Variants in STK17A observed in about 807,000 individuals in gnomAD.
The protein encoded by STK17A is serine/threonine-protein kinase 17A.
Under a neutral mutation model 43.7 loss-of-function variants are expected in STK17A, and 26 were observed. The observed-to-expected ratio is 0.60, with a 90% CI of 0.44 to 0.83. The LOEUF (loss-of-function observed/expected upper bound fraction) is 0.83. STK17A is among the 40% of genes least tolerant of loss of function. STK17A has a pLI of 0.00. For missense variants in STK17A, 476 were observed against 511.6 expected (o/e 0.93, Z 0.67); for synonymous variants, 191 against 182.5 (o/e 1.05, Z -0.38).
intron 1 of STK17A, among the ~76,000 whole-genome samples, chr7:43,584,375 C>T (rs1471631513): frequency 6.6e-6 from 1 of 152,214 alleles, no homozygotes; most frequent in Non-Finnish European, 1.5e-5. Context: ...GCCTCACTTT[C>T]CTCATCCGTA....
intron 4 of STK17A, chr7:43,623,114 G>A (rs1401713183): frequency 6.5e-6 from 1 of 153,524 alleles, no homozygotes; most frequent in Non-Finnish European, 1.4e-5. Context: ...GTTTTAAAAA[G>A]CTCACTCTGA....
intron 4 of STK17A, among the ~76,000 whole-genome samples, chr7:43,620,376 T>A (rs2083755340): frequency 1.3e-5 from 2 of 152,140 alleles, no homozygotes; most frequent in African/African-American, 2.4e-5. Flanking sequence ...GACCAGAGAT[T>A]AGATTATTAA....
At chr7:43,620,105 C>A (rs79659153) in intron 4 of STK17A, among the ~76,000 whole-genome samples, 3,437 of 152,226 alleles carry the variant, frequency 0.023, 112 homozygotes, top group African/African-American at 0.076. Context: ...GTCTGAGGCT[C>A]CATAGAAGTG....
At chr7:43,600,317 G>A (rs1479921903) in intron 2 of STK17A, among the ~76,000 whole-genome samples, 3 of 152,102 alleles carry the variant, frequency 2.0e-5, no homozygotes, top group Non-Finnish European at 4.4e-5. Flanking sequence ...CAGTTTTCAG[G>A]ATTTCAACAG....
chr7:43,623,430 T>C, intron 4 of STK17A, 142 bp from the exon 5 acceptor site: 1 of 666,378 alleles, frequency 1.5e-6, no homozygotes, highest in Non-Finnish European at 2.6e-6. Flanking sequence ...TATTAATTCA[T>C]ATTAATTTAT....
At chr7:43,599,738 T>C (rs761863697) in intron 2 of STK17A, among the ~76,000 whole-genome samples, 1 of 152,208 alleles carries the variant, frequency 6.6e-6, no homozygotes, top group Non-Finnish European at 1.5e-5. Flanking sequence ...GCCTGCAAGC[T>C]GGACACCCTG....
intron 1 of STK17A, among the ~76,000 whole-genome samples, chr7:43,585,175 T>G (rs577247316): frequency 1.3e-5 from 2 of 151,924 alleles, no homozygotes; most frequent in South Asian, 2.1e-4. Context: ...CCAGCTTGGG[T>G]GACAGAGTGA....
intron 2 of STK17A, among the ~76,000 whole-genome samples, chr7:43,597,766 C>T (rs920178289): frequency 6.6e-6 from 1 of 151,948 alleles, no homozygotes; most frequent in African/African-American, 2.4e-5. Context: ...AACCCTGTCT[C>T]TACAAAAAAT....
chr7:43,583,369 G>A lies in STK17A; in HGVS notation c.126G>A (p.Leu42=). 6.9e-7 allele frequency: 1 copy of A among 1,447,890 alleles called. No homozygotes were observed. The highest frequency in any genetic ancestry group is 1.5e-5 in the African/African-American group (1 of 67,348). The allele number at this position is 1,447,890 out of a possible 1,614,324, so 89.7% of individuals were successfully genotyped here. The stretch of plus-strand genomic sequence containing the variant: ...CGCCGCCGCCCCAGGCCCGCGGGCT[G>A]CTGACAGAGATACGCGCCGTGGTGC... The part of the protein sequence containing the change: ...RPPPPPQARG[L]LTEIRAVVRT... The change falls in exon 1 of 7, where the codon CTG becomes CTA. Residue 42 remains leucine (L), a synonymous_variant. Coordinates refer to ENST00000319357, the MANE Select transcript of STK17A (RefSeq NM_004760.3).
intron 2 of STK17A, among the ~76,000 whole-genome samples, chr7:43,602,683 C>CA (rs2082563635): frequency 6.6e-6 from 1 of 152,210 alleles, no homozygotes; most frequent in Non-Finnish European, 1.5e-5. Flanking sequence ...GTGTTCCCCC[C>CA]AGTTCCATCA....
chr7:43,592,899 A>G (rs1030362029), intron 1 of STK17A, among the ~76,000 whole-genome samples: 1 of 152,140 alleles, frequency 6.6e-6, no homozygotes, highest in East Asian at 1.9e-4. Context: ...TAACAGGGCA[A>G]TTAAAGCCTT....
rs1041946294 is a variant in STK17A at position 43,593,135 on chromosome 7, C to T, written c.207-2766C>T. Among the ~76,000 whole-genome samples, 4 of 152,164 alleles carry T rather than the reference C, an allele frequency of 2.6e-5. No individual in the cohort carries two copies. In the South Asian group the frequency reaches 8.3e-4, roughly 32 times the overall value. ...TCTATGCCTGTGTATCCATTTAGTT[C>T]CCACTTAAAAGTGAAAACAGGCAGT... On this transcript the variant is annotated intron_variant, in intron 1 of 6. Coordinates refer to ENST00000319357, the MANE Select transcript of STK17A (RefSeq NM_004760.3).
At chr7:43,585,329 G>A (rs917405145) in intron 1 of STK17A, among the ~76,000 whole-genome samples, 1 of 142,592 alleles carries the variant, frequency 7.0e-6, no homozygotes, top group African/African-American at 2.5e-5. Context: ...GTTATAATCT[G>A]GAAACTGATT....
intron 1 of STK17A, among the ~76,000 whole-genome samples, chr7:43,584,395 AATG>A (rs1330304803): frequency 6.6e-6 from 1 of 152,224 alleles, no homozygotes. Flanking sequence ...AAAATCGTAT[AATG>A]ATGACAGTAC....
At chr7:43,593,869 T>C (rs1354371960) in intron 1 of STK17A, among the ~76,000 whole-genome samples, 3 of 152,200 alleles carry the variant, frequency 2.0e-5, no homozygotes, top group Non-Finnish European at 2.9e-5. Flanking sequence ...TTTTAAAATA[T>C]AGTATGAGGA....
intron 2 of STK17A, among the ~76,000 whole-genome samples, chr7:43,600,059 T>A (rs548967261): frequency 2.0e-5 from 3 of 152,202 alleles, no homozygotes; most frequent in Non-Finnish European, 4.4e-5. Context: ...CCCACACTAA[T>A]CTCTGGAAAC....
chr7:43,624,661 A>G lies in STK17A; in HGVS notation c.1064A>G (p.Asp355Gly). 1 of 1,614,144 alleles carries G rather than the reference A, an allele frequency of 6.2e-7. No homozygotes were observed. The highest frequency in any genetic ancestry group is 8.5e-7 in the Non-Finnish European group (1 of 1,180,016). Residue 355 changes from aspartate (D) to glycine (G), a missense_variant, in exon 7 of 7, where the codon GAT becomes GGT. Physicochemically the swap from Asp to Gly is moderately conservative, Grantham distance 94 (BLOSUM62 -1). Transcript: ENST00000319357. Reference sequence around the variant, plus strand: ...CATTCTGTGCCTGAAATTAATTCGGATACCGACAAATCAGAAACCAAGGAA... The same window carrying G: ...CATTCTGTGCCTGAAATTAATTCGGGTACCGACAAATCAGAAACCAAGGAA... ...EGHSVPEINS[D>G]TDKSETKESI...
rs949033728 is a variant in STK17A at position 43,593,708 on chromosome 7, AC to A, written c.207-2192del. ...ATGTCTGTTCATATAAAAAAAAAAA[AC>A]AATGAGGTTGTTTTTTTTTCTCGTT... On this transcript the variant is annotated intron_variant, in intron 1 of 6. Transcript: ENST00000319357. Among the ~76,000 whole-genome samples the A allele has an allele frequency of 3.9e-4, 59 of 149,514 alleles. 1 individual carries two copies. The highest frequency in any genetic ancestry group is 1.2e-3 in the African/African-American group (50 of 40,884).
chr7:43,583,350 C>A lies in STK17A; in HGVS notation c.107C>A (p.Pro36Gln). 1 of 1,434,748 alleles carries A rather than the reference C, an allele frequency of 7.0e-7. No individual in the cohort carries two copies. The highest frequency in any genetic ancestry group is 9.2e-7 in the Non-Finnish European group (1 of 1,092,382). The allele number at this position is 1,434,748 out of a possible 1,614,324, so 88.9% of individuals were successfully genotyped here. The change falls in exon 1 of 7, where the codon CCG (proline) becomes CAG (glutamine). Residue 36 changes from proline (P) to glutamine (Q), a missense_variant. Transcript: ENST00000319357. ...AGCGGGCCGTGCCGGCCGCCGCCGC[C>A]GCCCCAGGCCCGCGGGCTGCTGACA... is the stretch of plus-strand genomic sequence containing the variant. ...GLSGPCRPPP[P>Q]PQARGLLTEI...
Sources: allele counts gnomAD v4.1 joint callset (sites outside exome capture counted in the v4.1 genomes callset), GRCh38; gene constraint gnomAD v4.1.1; transcripts MANE v1.5; gene names NCBI Gene and HGNC (gene_info 2026-07-23, HGNC 2026-07-21).